Variants in CRTC3 observed in about 807,000 individuals in gnomAD.
The protein encoded by CRTC3 is CREB-regulated transcription coactivator 3.
A neutral mutation model predicts 74.5 loss-of-function variants in CRTC3; 26 were observed. The observed-to-expected ratio is 0.35, with a 90% CI of 0.26 to 0.48. The LOEUF is 0.48. Among genes scored for constraint, CRTC3 ranks in the 20% least tolerant of loss-of-function variants. The probability of loss-of-function intolerance (pLI) is 0.99; values close to 1 mark genes in which losing one functional copy is unlikely to be tolerated. For synonymous variants in CRTC3, 377 were observed against 325.8 expected (o/e 1.16, Z -1.69); for missense variants, 760 against 787.3 (o/e 0.97, Z 0.41).
intron 2 of CRTC3, among the ~76,000 whole-genome samples, chr15:90,540,993 C>G (rs1181996835): frequency 1.3e-5 from 2 of 152,150 alleles, no homozygotes; most frequent in African/African-American, 4.8e-5. Flanking sequence ...TGGCTCAGTG[C>G]AGGTGTAAGA....
At chr15:90,588,815 T>C (rs1468436393) in intron 2 of CRTC3, among the ~76,000 whole-genome samples, 1 of 152,112 alleles carries the variant, frequency 6.6e-6, no homozygotes, top group Non-Finnish European at 1.5e-5. Context: ...TTCCCAGGGT[T>C]CCACCATGCA....
At chr15:90,613,365 A>G (rs1045821372) in intron 6 of CRTC3, among the ~76,000 whole-genome samples, 1 of 152,226 alleles carries the variant, frequency 6.6e-6, no homozygotes, top group East Asian at 1.9e-4. Context: ...TGTGGGCCTG[A>G]AAGAAATTCT....
At chr15:90,542,218 G>A (rs1469245955) in intron 2 of CRTC3, among the ~76,000 whole-genome samples, 3 of 146,880 alleles carry the variant, frequency 2.0e-5, no homozygotes, top group Non-Finnish European at 4.5e-5. Flanking sequence ...TCATTCTGTC[G>A]CCTAGGCTGG....
intron 2 of CRTC3, among the ~76,000 whole-genome samples, chr15:90,552,602 C>A (rs1288476067): frequency 6.6e-6 from 1 of 152,162 alleles, no homozygotes. Context: ...GCAGGCAAAC[C>A]TGGTTTGAGT....
chr15:90,550,448 G>GTCT (rs1555446840), intron 2 of CRTC3, among the ~76,000 whole-genome samples: 3 of 142,738 alleles, frequency 2.1e-5, no homozygotes, highest in Non-Finnish European at 4.5e-5. Flanking sequence ...TCCTTTGCCT[G>GTCT]TTTTTTTTTT....
chr15:90,627,373 C>A (rs1968874913), intron 10 of CRTC3, among the ~76,000 whole-genome samples: 1 of 152,154 alleles, frequency 6.6e-6, no homozygotes, highest in Non-Finnish European at 1.5e-5. Flanking sequence ...AACCTTTATG[C>A]CCAGATTCAG....
intron 2 of CRTC3, among the ~76,000 whole-genome samples, chr15:90,542,096 T>G (rs1206188408): frequency 6.6e-6 from 1 of 151,826 alleles, no homozygotes; most frequent in African/African-American, 2.4e-5. Flanking sequence ...CAGGATTCTT[T>G]TCATACTGTT....
intron 11 of CRTC3, among the ~76,000 whole-genome samples, chr15:90,631,020 A>C (rs1218511784): frequency 6.3e-5 from 1 of 15,946 alleles, no homozygotes. Context: ...CTCATGATCC[A>C]CCCGCCTCGG....
At chr15:90,573,626 T>C (rs1463893880) in intron 2 of CRTC3, among the ~76,000 whole-genome samples, 1 of 152,166 alleles carries the variant, frequency 6.6e-6, no homozygotes, top group Non-Finnish European at 1.5e-5. Flanking sequence ...GCTTGTTCTG[T>C]TTTTTACTGT....
intron 9 of CRTC3, among the ~76,000 whole-genome samples, chr15:90,621,231 C>A (rs554300235): frequency 2.0e-5 from 3 of 152,342 alleles, no homozygotes; most frequent in African/African-American, 4.8e-5. Context: ...ATCAGATAAC[C>A]TTCAGGCTCT....
chr15:90,546,779 C>T lies in CRTC3; in HGVS notation c.231+6642C>T, dbSNP rs572107505. Among the ~76,000 whole-genome samples, 53 of 152,258 alleles carry T rather than the reference C, an allele frequency of 3.5e-4. 2 individuals are homozygous for T. Among genetic ancestry groups the T allele is most frequent in the Non-Finnish European group, 5.3e-4 (36 of 68,014 alleles). Reference sequence around the variant, plus strand: ...CTGGGACTACAGGTGCCCGCCACCACGCCCAGCTAATTTTTCTGTATTTGT... The same window carrying T: ...CTGGGACTACAGGTGCCCGCCACCATGCCCAGCTAATTTTTCTGTATTTGT... On this transcript the variant is annotated intron_variant, in intron 2 of 14. Transcript: ENST00000268184.
At chr15:90,587,064 C>G (rs1454679608) in intron 2 of CRTC3, among the ~76,000 whole-genome samples, 1 of 152,172 alleles carries the variant, frequency 6.6e-6, no homozygotes, top group Non-Finnish European at 1.5e-5. Flanking sequence ...TACATCTACC[C>G]AAACAGTTAA....
chr15:90,579,007 A>G (rs1007391956), intron 2 of CRTC3, among the ~76,000 whole-genome samples: 5 of 152,066 alleles, frequency 3.3e-5, no homozygotes, highest in African/African-American at 7.2e-5. Context: ...CCATTATCTC[A>G]TTATCTGAGG....
At chr15:90,545,624 T>C (rs1376885652) in intron 2 of CRTC3, among the ~76,000 whole-genome samples, 1 of 152,024 alleles carries the variant, frequency 6.6e-6, no homozygotes, top group African/African-American at 2.4e-5. Flanking sequence ...TCGCCCAGGC[T>C]GGAGTGCAGT....
rs1259945008 is a variant in CRTC3, at chr15:90,629,291, T to G, written c.1025T>G (p.Leu342Arg). Residue 342 changes from leucine to arginine, a missense_variant, in exon 11 of 15, where the codon CTT becomes CGT. Leu to Arg is a moderately radical substitution (Grantham distance 102). Around this residue, in one of 2 missense-constraint regions of CRTC3, gnomAD observed 652 missense variants for 635.2 expected, o/e 1.03. Transcript: ENST00000268184. ...CAAGCCACGCTCAATAAGACTGTGCTTTCCTCTTCCTTAAATAACCACCCA... is the reference window on the plus strand; with the variant it reads ...CAAGCCACGCTCAATAAGACTGTGCGTTCCTCTTCCTTAAATAACCACCCA... ...SIQATLNKTVLSSSLNNHPQT... is the reference protein window; with the variant it reads ...SIQATLNKTVRSSSLNNHPQT... 1 of 1,614,178 alleles carries G rather than the reference T, an allele frequency of 6.2e-7. No homozygotes were observed. The highest frequency in any genetic ancestry group is 8.5e-7 in the Non-Finnish European group (1 of 1,180,032).
intron 2 of CRTC3, among the ~76,000 whole-genome samples, chr15:90,562,518 G>C (rs1863303039): frequency 6.6e-6 from 1 of 152,096 alleles, no homozygotes; most frequent in African/African-American, 2.4e-5. Flanking sequence ...TTTATGCTTT[G>C]TTTTTCTCAG....
chr15:90,610,742 G>A (rs967096888), intron 6 of CRTC3, among the ~76,000 whole-genome samples: 3 of 152,166 alleles, frequency 2.0e-5, no homozygotes, highest in Non-Finnish European at 2.9e-5. Context: ...GACTCTGTGG[G>A]ACACGTGCCC....
At chr15:90,579,435 A>G (rs927642465) in intron 2 of CRTC3, among the ~76,000 whole-genome samples, 4 of 152,124 alleles carry the variant, frequency 2.6e-5, no homozygotes, top group Admixed American at 1.3e-4. Flanking sequence ...CCTATCCACT[A>G]TAGCTTGACC....
intron 2 of CRTC3, among the ~76,000 whole-genome samples, chr15:90,548,190 C>T (rs141450941): frequency 3.0e-4 from 46 of 152,254 alleles, no homozygotes; most frequent in African/African-American, 1.1e-3. Context: ...CTCCCAGCCT[C>T]GTATCCTTTA....
Sources: allele counts gnomAD v4.1 joint callset (sites outside exome capture counted in the v4.1 genomes callset), GRCh38; gene constraint gnomAD v4.1.1; regional missense constraint gnomAD v4.1.1; transcripts MANE v1.5; gene names NCBI Gene and HGNC (gene_info 2026-07-23, HGNC 2026-07-21).